Variants in RAB2A observed in about 807,000 individuals in gnomAD.
RAB2A encodes the protein RAB2A, member RAS oncogene family.
In RAB2A, 7 loss-of-function variants were observed where a neutral mutation model predicts 32.5. The ratio of observed to expected loss-of-function variants is 0.22; its 90% CI spans 0.12 to 0.40. The LOEUF is 0.40. RAB2A is among the 10% of genes least tolerant of loss of function. The pLI is 1.00. For synonymous variants in RAB2A, 79 were observed against 85.2 expected (o/e 0.93, Z 0.40); for missense variants, 108 against 260.7 (o/e 0.41, Z 4.03).
intron 6 of RAB2A, among the ~76,000 whole-genome samples, chr8:60,605,194 C>T (rs1433529809): frequency 1.3e-5 from 2 of 152,184 alleles, no homozygotes; most frequent in African/African-American, 4.8e-5. Flanking sequence ...TAGCCACAAG[C>T]CTTGGTAGCT....
chr8:60,517,287 G>T (rs1472392361), intron 1 of RAB2A, 34 bp downstream of exon 1: 2 of 1,473,228 alleles, frequency 1.4e-6, no homozygotes, highest in South Asian at 2.6e-5. Flanking sequence ...GCGGGTGTCG[G>T]CGGCCTCCGG....
chr8:60,551,355 A>C (rs1352583080), intron 1 of RAB2A, among the ~76,000 whole-genome samples: 1 of 152,356 alleles, frequency 6.6e-6, no homozygotes, highest in South Asian at 2.1e-4. Context: ...ATCATGGTTC[A>C]TGCTTTTAGG....
chr8:60,561,233 A>G (rs1053449308), intron 2 of RAB2A, among the ~76,000 whole-genome samples: 3 of 152,168 alleles, frequency 2.0e-5, no homozygotes, highest in Non-Finnish European at 4.4e-5. Flanking sequence ...CCAAGTCCCT[A>G]CATTAAATTC....
intron 6 of RAB2A, among the ~76,000 whole-genome samples, chr8:60,592,739 G>A (rs1031426703): frequency 6.6e-6 from 1 of 152,076 alleles, no homozygotes; most frequent in Non-Finnish European, 1.5e-5. Flanking sequence ...TTTGGAGGTA[G>A]TATGTATATA....
chr8:60,617,908 G>C (rs997953863), intron 6 of RAB2A, among the ~76,000 whole-genome samples: 1 of 152,130 alleles, frequency 6.6e-6, no homozygotes, highest in African/African-American at 2.4e-5. Context: ...CTGGCAACCA[G>C]TAATCTACTT....
At chr8:60,610,670 C>G (rs1255809835) in intron 6 of RAB2A, among the ~76,000 whole-genome samples, 1 of 152,196 alleles carries the variant, frequency 6.6e-6, no homozygotes, top group Non-Finnish European at 1.5e-5. Context: ...AGCTTCTTCA[C>G]CTCTAATTTG....
intron 6 of RAB2A, among the ~76,000 whole-genome samples, chr8:60,606,983 CTG>C (rs1804242498): frequency 6.6e-6 from 1 of 151,824 alleles, no homozygotes; most frequent in African/African-American, 2.4e-5. Flanking sequence ...GGACTGATGT[CTG>C]TGTTATTTTG....
Position 60,623,131 on chromosome 8 carries a change from CATT to C in RAB2A, c.*2363_*2365del, listed in dbSNP as rs1480312897. 1 of 152,192 alleles carries C rather than the reference CATT, an allele frequency of 6.6e-6. No individual in the cohort carries two copies. The highest frequency in any genetic ancestry group is 1.5e-5 in the Non-Finnish European group (1 of 68,036). The allele number at this position is 152,192 out of a possible 1,614,324, so 9.4% of individuals were successfully genotyped here. ...TTCAAAATTGTGATCTTCATAAAGA[CATT>C]GTTACCATTCGTCTTGCAAATTTAA... On this transcript the variant is annotated 3_prime_UTR_variant, in exon 8 of 8. Transcript: ENST00000262646.
At chr8:60,521,533 C>T (rs1398487471) in intron 1 of RAB2A, among the ~76,000 whole-genome samples, 8 of 152,220 alleles carry the variant, frequency 5.3e-5, no homozygotes, top group African/African-American at 1.9e-4. Flanking sequence ...TAATTCCCAT[C>T]CTCCTGATTG....
chr8:60,603,824 C>A (rs1368396450), intron 6 of RAB2A, among the ~76,000 whole-genome samples: 1 of 152,050 alleles, frequency 6.6e-6, no homozygotes, highest in African/African-American at 2.4e-5. Context: ...AGTTCAAGAC[C>A]AGCCTAGCCA....
At chr8:60,587,585 AATG>A (rs1480590411) in intron 5 of RAB2A, among the ~76,000 whole-genome samples, 3 of 151,932 alleles carry the variant, frequency 2.0e-5, no homozygotes, top group Admixed American at 6.5e-5. Flanking sequence ...TGACATGGTT[AATG>A]ATGATATAGT....
At chr8:60,530,354 C>A (rs888495244) in intron 1 of RAB2A, among the ~76,000 whole-genome samples, 2 of 151,960 alleles carry the variant, frequency 1.3e-5, no homozygotes, top group African/African-American at 4.8e-5. Context: ...GCGCGTTGGC[C>A]AGGCTAGTTT....
chr8:60,516,983 T>G, upstream of RAB2A: 2 of 420,554 alleles, frequency 4.8e-6, no homozygotes, highest in Admixed American at 4.6e-5. Flanking sequence ...CCGCGGCGGC[T>G]GTTATTGTTC....
chr8:60,613,954 C>G (rs1171171249), intron 6 of RAB2A, among the ~76,000 whole-genome samples: 3 of 152,080 alleles, frequency 2.0e-5, no homozygotes, highest in African/African-American at 7.2e-5. Context: ...TACAAGATAC[C>G]CTGCTCTGTA....
At chr8:60,582,554 C>T (rs940278617) in intron 3 of RAB2A, among the ~76,000 whole-genome samples, 1 of 152,064 alleles carries the variant, frequency 6.6e-6, no homozygotes, top group African/African-American at 2.4e-5. Context: ...CAAGGTGTTG[C>T]TCTGTTAGCA....
At chr8:60,577,081 T>C (rs1001584944) in intron 3 of RAB2A, among the ~76,000 whole-genome samples, 1 of 152,078 alleles carries the variant, frequency 6.6e-6, no homozygotes, top group African/African-American at 2.4e-5. Context: ...GATCTTGCCC[T>C]GTTGCCCAGG....
chr8:60,597,986 T>C (rs1804060149), intron 6 of RAB2A, among the ~76,000 whole-genome samples: 1 of 152,198 alleles, frequency 6.6e-6, no homozygotes, highest in Non-Finnish European at 1.5e-5. Context: ...CCAGCCAGTA[T>C]GAAAAAGTTA....
At chr8:60,521,533 C>A (rs1398487471) in intron 1 of RAB2A, among the ~76,000 whole-genome samples, 2 of 152,220 alleles carry the variant, frequency 1.3e-5, no homozygotes, top group Non-Finnish European at 2.9e-5. Flanking sequence ...TAATTCCCAT[C>A]CTCCTGATTG....
chr8:60,564,078 C>CT (rs773016175), intron 2 of RAB2A, among the ~76,000 whole-genome samples: 25 of 152,206 alleles, frequency 1.6e-4, no homozygotes, highest in Non-Finnish European at 3.2e-4. Flanking sequence ...GACAATTGTA[C>CT]TTTTATTTCC....
Sources: allele counts gnomAD v4.1 joint callset (sites outside exome capture counted in the v4.1 genomes callset), GRCh38; gene constraint gnomAD v4.1.1; transcripts MANE v1.5; gene names NCBI Gene and HGNC (gene_info 2026-07-23, HGNC 2026-07-21).